Variants in CCDC3 observed in about 807,000 individuals in gnomAD.
CCDC3 encodes the protein coiled-coil domain containing 3.
CCDC3 carries 24 observed loss-of-function variants against 21.4 expected under a neutral mutation model. The ratio of observed to expected loss-of-function variants is 1.12; its 90% CI spans 0.81 to 1.58. The LOEUF is 1.58. CCDC3 is among the 40% of genes most tolerant of loss of function. CCDC3 has a pLI of 0.00. For missense variants in CCDC3, 425 were observed against 360.9 expected (o/e 1.18, Z -1.44); for synonymous variants, 186 against 166.0 (o/e 1.12, Z -0.93).
Position 12,898,362 on chromosome 10 carries a change from C to A in CCDC3, c.*54G>T. On this transcript the variant is annotated 3_prime_UTR_variant, in exon 3 of 3. Transcript: ENST00000378825. ...ATAGCTGCATGTACGAAACCTCACT[C>A]ATTCTCAATTACCGTCAGGATTGGC... 9 of 1,509,064 alleles carry A rather than the reference C, an allele frequency of 6.0e-6. No homozygotes were observed. In the South Asian group the frequency reaches 1.2e-4, roughly 20 times the overall value. 93.5% of individuals were successfully genotyped at this position (1,509,064 alleles called of 1,614,324 possible).
chr10:13,015,268 A>T (rs984896181), intron 5 of CCDC3, among the ~76,000 whole-genome samples: 1 of 152,094 alleles, frequency 6.6e-6, no homozygotes, highest in Non-Finnish European at 1.5e-5. Flanking sequence ...ACTAGACTAT[A>T]TTCTTGAGAT....
At position 13,007,613 on chromosome 10, in the gene CCDC3, A is replaced by G. The variant is rs73585970; in HGVS notation, c.-1-9101T>C. On this transcript the variant is annotated intron_variant, in intron 5 of 6. Coordinates refer to the CCDC3 transcript ENST00000378839. ...CTTGGTTATACCACTAGTTGAACTT[A>G]ATTATGACTACAATTGCCTTATAAA... Among the ~76,000 whole-genome samples, 1,295 of 152,184 alleles carry G rather than the reference A, an allele frequency of 8.5e-3. 15 individuals carry two copies. The highest frequency in any genetic ancestry group is 0.029 in the African/African-American group (1,199 of 41,522).
chr10:13,014,136 G>T (rs1045037532), intron 5 of CCDC3, among the ~76,000 whole-genome samples: 1 of 151,808 alleles, frequency 6.6e-6, no homozygotes, highest in African/African-American at 2.4e-5. Flanking sequence ...GGGTGACAAA[G>T]TGGGACTCCA....
At chr10:13,065,406 G>A (rs1836810245) in intron 4 of CCDC3, among the ~76,000 whole-genome samples, 1 of 152,126 alleles carries the variant, frequency 6.6e-6, no homozygotes, top group Admixed American at 6.5e-5. Flanking sequence ...ATGGGCATCA[G>A]AATATTGAAA....
upstream of CCDC3, among the ~76,000 whole-genome samples, chr10:13,003,531 G>A (rs189848866): frequency 1.7e-4 from 26 of 152,316 alleles, no homozygotes; most frequent in East Asian, 1.9e-3. Flanking sequence ...AGCAAATTAA[G>A]AGAAAACCTT....
intron 2 of CCDC3, among the ~76,000 whole-genome samples, chr10:12,938,779 G>A (rs917608142): frequency 6.6e-6 from 1 of 151,980 alleles, no homozygotes; most frequent in Non-Finnish European, 1.5e-5. Flanking sequence ...AGTAACTATT[G>A]TAACTATTTA....
intron 5 of CCDC3, among the ~76,000 whole-genome samples, chr10:13,041,747 C>A (rs1356134129): frequency 6.6e-6 from 1 of 151,888 alleles, no homozygotes; most frequent in Non-Finnish European, 1.5e-5. Context: ...CTCAACCTCC[C>A]AAAGTGCTGG....
At chr10:13,038,342 C>T (rs1363701579) in intron 5 of CCDC3, among the ~76,000 whole-genome samples, 1 of 138,666 alleles carries the variant, frequency 7.2e-6, no homozygotes, top group Non-Finnish European at 1.5e-5. Context: ...GCACATCCTG[C>T]ACATGTACCC....
chr10:13,071,176 T>C (rs548014112), intron 4 of CCDC3, among the ~76,000 whole-genome samples: 1 of 152,266 alleles, frequency 6.6e-6, no homozygotes, highest in African/African-American at 2.4e-5. Flanking sequence ...TTAGCAAGCA[T>C]AACTATAGCC....
intron 2 of CCDC3, among the ~76,000 whole-genome samples, chr10:12,981,177 ATTTTTTT>A (rs59193619): frequency 2.8e-5 from 3 of 105,558 alleles, no homozygotes; most frequent in Non-Finnish European, 5.5e-5. Context: ...CTGGCCCAGG[ATTTTTTT>A]TTTTTTTTTT....
At chr10:12,947,500 G>A (rs991516058) in intron 2 of CCDC3, among the ~76,000 whole-genome samples, 2 of 152,202 alleles carry the variant, frequency 1.3e-5, no homozygotes, top group Admixed American at 1.3e-4. Flanking sequence ...GTGCCAGAGT[G>A]TTGGGTGCTA....
intron 2 of CCDC3, among the ~76,000 whole-genome samples, chr10:12,974,248 G>A (rs147266097): frequency 4.5e-4 from 69 of 152,328 alleles, no homozygotes; most frequent in Middle Eastern, 3.4e-3. Flanking sequence ...CCAGATGTGC[G>A]AACTTCCTGC....
At chr10:13,078,664 G>C (rs962665326) in intron 3 of CCDC3, among the ~76,000 whole-genome samples, 8 of 152,090 alleles carry the variant, frequency 5.3e-5, no homozygotes, top group Non-Finnish European at 8.8e-5. Context: ...TATACACCCT[G>C]GAATACTATG....
rs530595154 is a variant in CCDC3, at chr10:13,000,339, G to T, written c.374+858C>A. ...GGCACTCTCTATTCAAATTTCAGAAGAATTCAGTAGTCAATGAGAATTGAC... is the reference window on the plus strand; with the variant it reads ...GGCACTCTCTATTCAAATTTCAGAATAATTCAGTAGTCAATGAGAATTGAC... On this transcript the variant is annotated intron_variant, in intron 1 of 2. Coordinates refer to ENST00000378825, the MANE Select transcript of CCDC3 (RefSeq NM_031455.4). Among the ~76,000 whole-genome samples the T allele has an allele frequency of 3.2e-4, 49 of 152,242 alleles. 1 individual carries two copies. Among genetic ancestry groups the T allele is most frequent in the Middle Eastern group, 3.4e-3 (1 of 294 alleles).
chr10:13,066,837 T>C (rs1836825725), intron 4 of CCDC3, among the ~76,000 whole-genome samples: 1 of 152,272 alleles, frequency 6.6e-6, no homozygotes, highest in Non-Finnish European at 1.5e-5. Context: ...GGGGACTTGT[T>C]AGCAGGAAGC....
intron 5 of CCDC3, among the ~76,000 whole-genome samples, chr10:13,014,147 T>A (rs925794204): frequency 4.0e-5 from 6 of 150,284 alleles, no homozygotes; most frequent in African/African-American, 1.5e-4. Flanking sequence ...TGGGACTCCA[T>A]CTCAAAAAAA....
chr10:12,967,266 A>G (rs554480549), intron 2 of CCDC3, among the ~76,000 whole-genome samples: 1 of 152,358 alleles, frequency 6.6e-6, no homozygotes, highest in African/African-American at 2.4e-5. Context: ...AGACATCAGC[A>G]TAAGGTAATG....
At chr10:12,916,040 C>A (rs1834347818) in intron 2 of CCDC3, among the ~76,000 whole-genome samples, 1 of 152,082 alleles carries the variant, frequency 6.6e-6, no homozygotes, top group Admixed American at 6.5e-5. Flanking sequence ...ACAGGCCAAG[C>A]ACTCGATTGT....
At chr10:12,899,708 T>C (rs543946472) in intron 2 of CCDC3, among the ~76,000 whole-genome samples, 11 of 152,218 alleles carry the variant, frequency 7.2e-5, no homozygotes, top group Non-Finnish European at 1.5e-4. Flanking sequence ...TATAGTGTGA[T>C]ACCAAGAGTG....
Sources: allele counts gnomAD v4.1 joint callset (sites outside exome capture counted in the v4.1 genomes callset), GRCh38; gene constraint gnomAD v4.1.1; transcripts MANE v1.5; gene names NCBI Gene and HGNC (gene_info 2026-07-23, HGNC 2026-07-21).